HFM1: variants seen among roughly 807,000 people sequenced by gnomAD.
HFM1 encodes probable ATP-dependent DNA helicase HFM1.
In HFM1, 169 loss-of-function variants were observed where a neutral mutation model predicts 192.1. The ratio of observed to expected loss-of-function variants is 0.88; its 90% CI spans 0.78 to 1.00. The LOEUF is 1.00. Ranked by LOEUF, HFM1 falls within the 50% of genes least tolerant of loss-of-function variation. HFM1 has a pLI of 0.00. For synonymous variants in HFM1, 525 were observed against 537.8 expected (o/e 0.98, Z 0.33); for missense variants, 1,661 against 1,668.0 (o/e 1.00, Z 0.07).
At chr1:91,345,977 G>A (rs145598798) in intron 19 of HFM1, among the ~76,000 whole-genome samples, 1 of 152,002 alleles carries the variant, frequency 6.6e-6, no homozygotes, top group Non-Finnish European at 1.5e-5. Context: ...AGTTTTCCCT[G>A]GGTCTTTGGG....
chr1:91,282,099 T>C (rs1054820836), intron 30 of HFM1, among the ~76,000 whole-genome samples: 3 of 152,236 alleles, frequency 2.0e-5, no homozygotes, highest in African/African-American at 7.2e-5. Context: ...AAGATTTCTG[T>C]CTCACTTCAG....
intron 25 of HFM1, among the ~76,000 whole-genome samples, chr1:91,317,632 T>G (rs1651457930): frequency 1.3e-5 from 2 of 152,192 alleles, no homozygotes; most frequent in African/African-American, 4.8e-5. Flanking sequence ...GGTGAAGGTA[T>G]GACCCTATTT....
intron 4 of HFM1, among the ~76,000 whole-genome samples, chr1:91,392,634 T>C (rs145208632): frequency 0.067 from 10,220 of 152,156 alleles, 451 homozygotes; most frequent in Middle Eastern, 0.16. Flanking sequence ...TTAGAAGAAA[T>C]ACCTAATGTA....
chr1:91,274,985 ATT>A (rs369981082), intron 32 of HFM1, among the ~76,000 whole-genome samples, 176 bp from the exon 33 acceptor site: 6 of 132,954 alleles, frequency 4.5e-5, no homozygotes, highest in Non-Finnish European at 6.3e-5. Flanking sequence ...AAATGTTGGC[ATT>A]TTTTTTTTTT....
chr1:91,280,529 G>C (rs1315008459), intron 30 of HFM1, among the ~76,000 whole-genome samples: 1 of 152,208 alleles, frequency 6.6e-6, no homozygotes, highest in Non-Finnish European at 1.5e-5. Flanking sequence ...AAAATGGCAA[G>C]ATAGGTAGTC....
chr1:91,355,255 C>T (rs768746898), intron 13 of HFM1, among the ~76,000 whole-genome samples: 3 of 151,914 alleles, frequency 2.0e-5, no homozygotes, highest in Admixed American at 6.6e-5. Flanking sequence ...CTTAGCGCTA[C>T]AGAAAAACAA....
In HFM1 at chr1:91,347,443, T is replaced by A; in HGVS notation, c.2240A>T (p.Glu747Val). The change falls in exon 19 of 39, where the codon GAA (glutamate) becomes GTA (valine). Residue 747 changes from glutamate (E) to valine (V), a missense_variant. Coordinates refer to ENST00000370425, the MANE Select transcript of HFM1 (RefSeq NM_001017975.6). ...ATGCATCTAACCTTGTAATTTTGCTTCAATTCCATCTTTGTTCAATCCAGA... is the reference window on the plus strand; with the variant it reads ...ATGCATCTAACCTTGTAATTTTGCTACAATTCCATCTTTGTTCAATCCAGA... Reference protein sequence around the residue: ...FASGLNKDGIEAKLQELCLKN... With the variant: ...FASGLNKDGIVAKLQELCLKN... 14 of 1,586,018 alleles carry A rather than the reference T, an allele frequency of 8.8e-6. No individual in the cohort carries two copies. Among genetic ancestry groups the A allele is most frequent in the Non-Finnish European group, 1.2e-5 (14 of 1,163,718 alleles).
At position 91,314,153 on chromosome 1, in the gene HFM1, C is replaced by G. The variant is rs988720939; in HGVS notation, c.3141-93G>C. On this transcript the variant is annotated intron_variant, in intron 28 of 38. Transcript: ENST00000370425. ...TGATTGTTCTTAAGAAAGATACTCT[C>G]TAGTAGTAAACTGAAATCAATTACT... 10 of 693,714 alleles carry G rather than the reference C, an allele frequency of 1.4e-5. No homozygotes were observed. The Admixed American group carries it at 2.5e-4, about 17-fold the overall frequency. The allele number at this position is 693,714 out of a possible 1,614,324, so 43.0% of individuals were successfully genotyped here.
intron 13 of HFM1, among the ~76,000 whole-genome samples, chr1:91,370,768 G>T (rs1295652610): frequency 6.6e-6 from 1 of 152,044 alleles, no homozygotes; most frequent in African/African-American, 2.4e-5. Context: ...AAGAAATAAA[G>T]GGTATTCAAT....
intron 1 of HFM1, among the ~76,000 whole-genome samples, chr1:91,401,809 A>G (rs561989031): frequency 6.6e-6 from 1 of 152,264 alleles, no homozygotes; most frequent in East Asian, 1.9e-4. Flanking sequence ...TTAAAAGATA[A>G]TTTTTGCACT....
Position 91,313,357 on chromosome 1 carries a change from G to A in HFM1, c.3383C>T (p.Pro1128Leu). The A allele has an allele frequency of 6.4e-7, 1 of 1,559,304 alleles. No homozygotes were observed. Among genetic ancestry groups the A allele is most frequent in the Non-Finnish European group, 8.8e-7 (1 of 1,142,074 alleles). ...TTAATACAGCTATTTACCTTTATTA[G>A]GTCCTGCTATTGTAGATATGTCTGA... ...KHSDISTIAGPNKGTTASKKP... is the reference protein window; with the variant it reads ...KHSDISTIAGLNKGTTASKKP... Residue 1128 changes from proline (P) to leucine (L), a missense_variant, in exon 30 of 39, where the codon CCT becomes CTT. Transcript: ENST00000370425.
chr1:91,286,638 A>T (rs1018774452), intron 30 of HFM1, among the ~76,000 whole-genome samples: 3 of 152,168 alleles, frequency 2.0e-5, no homozygotes, highest in Non-Finnish European at 4.4e-5. Flanking sequence ...AGATAAGATC[A>T]CATTCACGAC....
intron 35 of HFM1, among the ~76,000 whole-genome samples, chr1:91,266,709 T>C (rs1665802133): frequency 6.6e-6 from 1 of 152,158 alleles, no homozygotes; most frequent in African/African-American, 2.4e-5. Flanking sequence ...TGTGCCGTCT[T>C]AGGACTAGGC....
chr1:91,359,481 T>C (rs1172167220), intron 13 of HFM1, among the ~76,000 whole-genome samples: 1 of 145,232 alleles, frequency 6.9e-6, no homozygotes, highest in Admixed American at 7.0e-5. Context: ...AATAACAGAA[T>C]AGACCAAATG....
intron 30 of HFM1, among the ~76,000 whole-genome samples, chr1:91,286,654 A>G (rs1259229297): frequency 6.6e-6 from 1 of 151,828 alleles, no homozygotes; most frequent in Non-Finnish European, 1.5e-5. Flanking sequence ...ACGACCGAGG[A>G]GCCAAGATGG....
Position 91,376,615 on chromosome 1 carries a change from A to G in HFM1, c.1396-888T>C, listed in dbSNP as rs144116823. The stretch of plus-strand genomic sequence containing the variant: ...TTCCAATGTGAAAAAAAGGCAAATG[A>G]CATAACCTGGCAAGTTTTAAAAAAA... On this transcript the variant is annotated intron_variant, in intron 11 of 38. Transcript: ENST00000370425. 2.0e-5 allele frequency among the ~76,000 whole-genome samples: 3 copies of G among 152,022 alleles called. No individual in the cohort carries two copies. The East Asian group carries it at 5.8e-4, about 29-fold the overall frequency.
intron 30 of HFM1, among the ~76,000 whole-genome samples, chr1:91,301,050 C>A (rs1648682749): frequency 6.6e-6 from 1 of 152,364 alleles, no homozygotes; most frequent in East Asian, 1.9e-4. Context: ...CATCTCAGCC[C>A]AAAATCTCTT....
chr1:91,400,514 C>T (rs1244831558), intron 2 of HFM1, among the ~76,000 whole-genome samples: 2 of 148,932 alleles, frequency 1.3e-5, no homozygotes, highest in Admixed American at 6.7e-5. Context: ...TAGAGTTTCA[C>T]TCTGTTGCTC....
At chr1:91,275,010 A>C (rs1366655631) in intron 32 of HFM1, among the ~76,000 whole-genome samples, 4 of 90,932 alleles carry the variant, frequency 4.4e-5, no homozygotes. Flanking sequence ...TTTGAGATGG[A>C]GTTTTGTTCT....
Sources: gnomAD v4.1 joint callset for allele counts (sites outside exome capture counted in the v4.1 genomes callset) on GRCh38, gnomAD v4.1.1 for gene constraint, MANE v1.5 for transcripts, NCBI Gene and HGNC (gene_info 2026-07-23, HGNC 2026-07-21) for gene names.